The following PPARD variants were observed in gnomAD, a reference collection of about 807,000 sequenced individuals.
PPARD encodes the protein peroxisome proliferator activated receptor delta, also known as peroxisome proliferator-activated receptor delta.
Under a neutral mutation model 39.5 loss-of-function variants are expected in PPARD, and 6 were observed. The ratio of observed to expected loss-of-function variants is 0.15; its 90% CI spans 0.08 to 0.30. The LOEUF (loss-of-function observed/expected upper bound fraction) is 0.30. PPARD is among the 10% of genes least tolerant of loss of function. The pLI, the probability that PPARD is intolerant of heterozygous loss-of-function variation, is 1.00. For synonymous variants in PPARD, 210 were observed against 231.3 expected (o/e 0.91, Z 0.83); for missense variants, 397 against 596.8 (o/e 0.67, Z 3.49).
chr6:35,364,376 T>A (rs11962571), intron 2 of PPARD, among the ~76,000 whole-genome samples: 4,272 of 152,158 alleles, frequency 0.028, 167 homozygotes, highest in African/African-American at 0.081. Context: ...TGCTTTAGGT[T>A]CTCTTGGGAA....
At position 35,425,779 on chromosome 6, in the gene PPARD, A is replaced by C. The variant is rs1293180969; in HGVS notation, c.1079-53A>C. The C allele has an allele frequency of 3.8e-6, 6 of 1,596,860 alleles. No homozygotes were observed. In the African/African-American group the frequency reaches 4.0e-5, roughly 11 times the overall value. On this transcript the variant is annotated intron_variant, in intron 7 of 7. Transcript: ENST00000360694. The surrounding 1 kb of genome is among the most constrained non-coding windows in gnomAD (Gnocchi z 4.5). ...CCAAGTCACCTCTTGGGGTGGAAGT[A>C]GGGGAGCTCCACTGCCTTTCTGAGC...
chr6:35,364,195 C>T (rs1416040559), intron 2 of PPARD, among the ~76,000 whole-genome samples: 3 of 151,944 alleles, frequency 2.0e-5, no homozygotes, highest in Non-Finnish European at 2.9e-5. Context: ...AGCATGTTTT[C>T]GAGGTTCATC....
chr6:35,382,003 A>T (rs1763181689), intron 2 of PPARD, among the ~76,000 whole-genome samples: 2 of 152,192 alleles, frequency 1.3e-5, no homozygotes, highest in African/African-American at 2.4e-5. Flanking sequence ...CGCATTCTAG[A>T]GTTCGTCATG....
At chr6:35,387,520 G>T (rs780336124) in intron 2 of PPARD, among the ~76,000 whole-genome samples, 6 of 152,160 alleles carry the variant, frequency 3.9e-5, no homozygotes, top group African/African-American at 1.4e-4. Flanking sequence ...AGGTGAAGGT[G>T]ATTGGTTTCC....
At position 35,397,308 on chromosome 6, in the gene PPARD, G is replaced by A. The variant is rs17847864; in HGVS notation, c.-101-13679G>A. On this transcript the variant is annotated intron_variant, in intron 2 of 7. Transcript: ENST00000360694. ...TAAGGGAGGAAGAAGCACCAGTGCTGCCTCCCCATGGGAAAAATGAAGCCC... is the reference window on the plus strand; with the variant it reads ...TAAGGGAGGAAGAAGCACCAGTGCTACCTCCCCATGGGAAAAATGAAGCCC... 1.7e-4 allele frequency among the ~76,000 whole-genome samples: 26 copies of A among 151,900 alleles called. 2 individuals are homozygous for A. In the East Asian group the frequency reaches 5.0e-3, roughly 29 times the overall value.
At chr6:35,357,802 G>T (rs1391026860) in intron 2 of PPARD, among the ~76,000 whole-genome samples, 2 of 152,118 alleles carry the variant, frequency 1.3e-5, no homozygotes, top group Non-Finnish European at 2.9e-5. Flanking sequence ...CTCCCAAAGT[G>T]CTAGTATTAC....
At chr6:35,375,786 C>T (rs1463860380) in intron 2 of PPARD, among the ~76,000 whole-genome samples, 1 of 152,164 alleles carries the variant, frequency 6.6e-6, no homozygotes, top group Non-Finnish European at 1.5e-5. Flanking sequence ...ACTCCTCACT[C>T]AAGCCCTCCT....
At chr6:35,421,758 C>T in intron 4 of PPARD, 62 bp from the exon 5 acceptor site, 1 of 1,533,126 alleles carries the variant, frequency 6.5e-7, no homozygotes. Context: ...TAATCGGGCC[C>T]TTTGGCACAG....
rs1044492858 is a variant in PPARD, at chr6:35,412,545, C to G, written c.130+1328C>G. On this transcript the variant is annotated intron_variant, in intron 3 of 7. Transcript: ENST00000360694. This position sits in a 1 kb window ranked among gnomAD's most constrained non-coding sequence, Gnocchi z 4.1. Reference sequence around the variant, plus strand: ...GAAGGCTGTGGAGGTAGCGCAGGCTCCTGTTTGGGTCTGCAGCTAAGATGG... The same window carrying G: ...GAAGGCTGTGGAGGTAGCGCAGGCTGCTGTTTGGGTCTGCAGCTAAGATGG... Among the ~76,000 whole-genome samples the G allele has an allele frequency of 1.3e-5, 2 of 152,204 alleles. No homozygotes were observed. Among genetic ancestry groups the G allele is most frequent in the African/African-American group, 4.8e-5 (2 of 41,440 alleles).
In PPARD at chr6:35,342,570, A is replaced by T. The variant is rs988102900; in HGVS notation, c.-297A>T. ...GCGGGGCCGGGCCGCGGAGCGTGTG[A>T]CGCTGCGGCCGCCGCGGACCTGGGG... is the stretch of plus-strand genomic sequence containing the variant. On this transcript the variant is annotated 5_prime_UTR_variant, in exon 1 of 8. Coordinates refer to ENST00000360694, the MANE Select transcript of PPARD (RefSeq NM_006238.5). The T allele has an allele frequency of 1.2e-4, 19 of 152,296 alleles. No homozygotes were observed. The highest frequency in any genetic ancestry group is 9.2e-4 in the Admixed American group (14 of 15,282). The allele number at this position is 152,296 out of a possible 1,614,324, so 9.4% of individuals were successfully genotyped here.
intron 2 of PPARD, among the ~76,000 whole-genome samples, chr6:35,406,396 G>A (rs9470018): frequency 0.032 from 4,878 of 152,310 alleles, 171 homozygotes; most frequent in African/African-American, 0.08. Flanking sequence ...GGCTGGGCAA[G>A]CTGAGAACAG....
Position 35,342,570 on chromosome 6 carries a change from A to G in PPARD, c.-297A>G, listed in dbSNP as rs988102900. On this transcript the variant is annotated 5_prime_UTR_variant, in exon 1 of 8. Coordinates refer to ENST00000360694, the MANE Select transcript of PPARD (RefSeq NM_006238.5). ...GCGGGGCCGGGCCGCGGAGCGTGTG[A>G]CGCTGCGGCCGCCGCGGACCTGGGG... 7 of 152,296 alleles carry G rather than the reference A, an allele frequency of 4.6e-5. No homozygotes were observed. Among genetic ancestry groups the G allele is most frequent in the Non-Finnish European group, 8.8e-5 (6 of 68,114 alleles). The allele number at this position is 152,296 out of a possible 1,614,324, so 9.4% of individuals were successfully genotyped here.
At chr6:35,407,657 T>A (rs1765143157) in intron 2 of PPARD, among the ~76,000 whole-genome samples, 1 of 150,366 alleles carries the variant, frequency 6.7e-6, no homozygotes, top group South Asian at 2.1e-4. Context: ...AAACTTAAAG[T>A]ATAATAATAA....
At chr6:35,353,928 T>A (rs1162258676) in intron 2 of PPARD, among the ~76,000 whole-genome samples, 1 of 152,170 alleles carries the variant, frequency 6.6e-6, no homozygotes, top group Admixed American at 6.5e-5. Context: ...GGTTCAACTT[T>A]ACAGTGATGT....
At chr6:35,402,317 C>T (rs1164996099) in intron 2 of PPARD, among the ~76,000 whole-genome samples, 1 of 152,156 alleles carries the variant, frequency 6.6e-6, no homozygotes, top group Non-Finnish European at 1.5e-5. Context: ...TTGTGAAAAC[C>T]ACAGATTTTT....
intron 2 of PPARD, among the ~76,000 whole-genome samples, chr6:35,347,544 C>T (rs972771876): frequency 1.3e-5 from 2 of 151,798 alleles, no homozygotes; most frequent in African/African-American, 4.8e-5. Flanking sequence ...GGTGCCAGGC[C>T]ACAAAGATGG....
At chr6:35,396,338 G>A (rs569474546) in intron 2 of PPARD, among the ~76,000 whole-genome samples, 1 of 151,220 alleles carries the variant, frequency 6.6e-6, no homozygotes, top group Non-Finnish European at 1.5e-5. Flanking sequence ...CCGAGTAGCT[G>A]GGACTATAGG....
In PPARD at chr6:35,424,691, T is replaced by C. The variant is rs201614080; in HGVS notation, c.990T>C (p.Pro330=). The change falls in exon 7 of 8, where the codon CCT becomes CCC. Residue 330 remains proline, a synonymous_variant. Transcript: ENST00000360694. The surrounding 1 kb of genome is among the most constrained non-coding windows in gnomAD (Gnocchi z 7.1). Reference sequence around the variant, plus strand: ...AACCCTTCAGTGATATCATTGAGCCTAAGTTTGAATTTGCTGTCAAGTTCA... The same window carrying C: ...AACCCTTCAGTGATATCATTGAGCCCAAGTTTGAATTTGCTGTCAAGTTCA... The part of the protein sequence containing the change: ...LRKPFSDIIE[P]KFEFAVKFNA... 222 of 1,614,118 alleles carry C rather than the reference T, an allele frequency of 1.4e-4. No homozygotes were observed. The highest frequency in any genetic ancestry group is 1.8e-4 in the Non-Finnish European group (212 of 1,180,056).
At chr6:35,414,997 A>G (rs2150801200) in intron 3 of PPARD, among the ~76,000 whole-genome samples, 1 of 152,258 alleles carries the variant, frequency 6.6e-6, no homozygotes, top group Admixed American at 6.5e-5. Flanking sequence ...GGCGTGTAGG[A>G]GTAGAGACAG....
Sources: allele counts gnomAD v4.1 joint callset (sites outside exome capture counted in the v4.1 genomes callset), GRCh38; gene constraint gnomAD v4.1.1; non-coding constraint Gnocchi (gnomAD v3.1); transcripts MANE v1.5; gene names NCBI Gene and HGNC (gene_info 2026-07-23, HGNC 2026-07-21).